C8orf34: variants seen among roughly 807,000 people sequenced by gnomAD.
The protein encoded by C8orf34 is uncharacterized protein C8orf34.
A neutral mutation model predicts 68.3 loss-of-function variants in C8orf34; 65 were observed. That is an observed-to-expected ratio of 0.95 (90% CI 0.78 to 1.17). The LOEUF is 1.17. Among genes scored for constraint, C8orf34 ranks in the 50% most tolerant of loss-of-function variants. The pLI is 0.00. For missense variants in C8orf34, 664 were observed against 655.4 expected (o/e 1.01, Z -0.14); for synonymous variants, 244 against 241.2 (o/e 1.01, Z -0.11).
At chr8:68,486,371 A>G (rs1411591907) in intron 4 of C8orf34, among the ~76,000 whole-genome samples, 3 of 152,186 alleles carry the variant, frequency 2.0e-5, no homozygotes, top group Non-Finnish European at 4.4e-5. Context: ...CTACCTTCAT[A>G]ATACAGCAAG....
intron 8 of C8orf34, among the ~76,000 whole-genome samples, chr8:68,686,144 C>T (rs1261915698): frequency 6.6e-6 from 1 of 151,696 alleles, no homozygotes; most frequent in African/African-American, 2.4e-5. Flanking sequence ...AAAAAGATTA[C>T]CACCACCACC....
intron 7 of C8orf34, among the ~76,000 whole-genome samples, chr8:68,567,429 C>T (rs145023109): frequency 2.4e-3 from 370 of 152,004 alleles, no homozygotes; most frequent in African/African-American, 7.9e-3. Context: ...ATGGTAGCCT[C>T]GAATGATGTT....
At chr8:68,786,869 C>T (rs1282697898) in intron 11 of C8orf34, among the ~76,000 whole-genome samples, 2 of 152,140 alleles carry the variant, frequency 1.3e-5, no homozygotes, top group African/African-American at 2.4e-5. Flanking sequence ...TCCTGGAAAA[C>T]TTCCCAGATG....
intron 5 of C8orf34, among the ~76,000 whole-genome samples, chr8:68,510,658 C>T (rs572227178): frequency 3.9e-5 from 6 of 152,124 alleles, no homozygotes; most frequent in South Asian, 2.1e-4. Flanking sequence ...ATAATAGGAC[C>T]GAGTTGTTTG....
chr8:68,809,227 G>A (rs1824575246), intron 12 of C8orf34, among the ~76,000 whole-genome samples: 1 of 152,070 alleles, frequency 6.6e-6, no homozygotes, highest in South Asian at 2.1e-4. Flanking sequence ...AGGGTTCTCT[G>A]CTAAATACTT....
intron 7 of C8orf34, among the ~76,000 whole-genome samples, chr8:68,622,820 A>G (rs567529604): frequency 2.0e-5 from 3 of 152,358 alleles, no homozygotes; most frequent in East Asian, 3.9e-4. Context: ...AAGAGCAAAG[A>G]TGTTTAAAGA....
intron 3 of C8orf34, among the ~76,000 whole-genome samples, chr8:68,449,732 A>G (rs1811268171): frequency 6.6e-6 from 1 of 152,158 alleles, no homozygotes. Context: ...TGAGCTTTCA[A>G]TGAGTCATAA....
At chr8:68,422,445 T>C (rs955427215) in intron 1 of C8orf34, among the ~76,000 whole-genome samples, 3 of 152,184 alleles carry the variant, frequency 2.0e-5, no homozygotes, top group Non-Finnish European at 2.9e-5. Context: ...AATAATCTCC[T>C]TTGACTCCAT....
chr8:68,761,011 T>C (rs1215281026), intron 10 of C8orf34, among the ~76,000 whole-genome samples: 2 of 152,210 alleles, frequency 1.3e-5, no homozygotes, highest in Non-Finnish European at 2.9e-5. Flanking sequence ...TTGGCAGGAA[T>C]ATTGAGAGTA....
intron 7 of C8orf34, among the ~76,000 whole-genome samples, chr8:68,611,143 C>T (rs1021227016): frequency 4.6e-5 from 7 of 152,176 alleles, no homozygotes; most frequent in East Asian, 1.9e-4. Flanking sequence ...GGATTACAGG[C>T]GTGAGCCACT....
At chr8:68,533,271 A>C (rs1815327063) in intron 7 of C8orf34, 122 bp downstream of exon 7, 5 of 1,414,378 alleles carry the variant, frequency 3.5e-6, no homozygotes, top group Non-Finnish European at 3.7e-6. Context: ...ACCATTTAGT[A>C]CATATTTTAT....
intron 8 of C8orf34, among the ~76,000 whole-genome samples, chr8:68,676,269 G>A (rs1820187101): frequency 6.6e-6 from 1 of 152,064 alleles, no homozygotes; most frequent in African/African-American, 2.4e-5. Flanking sequence ...GGGAGGTTGA[G>A]TCTGCACTAA....
At chr8:68,367,907 G>GAA (rs1807360133) in intron 1 of C8orf34, among the ~76,000 whole-genome samples, 9 of 15,020 alleles carry the variant, frequency 6.0e-4, no homozygotes, top group Non-Finnish European at 1.0e-3. Flanking sequence ...AATAAAAAAA[G>GAA]AAAAGAAAAA....
chr8:68,415,430 A>C (rs1237602186), intron 1 of C8orf34, among the ~76,000 whole-genome samples: 1 of 152,006 alleles, frequency 6.6e-6, no homozygotes, highest in Non-Finnish European at 1.5e-5. Context: ...CAGTGAGCTG[A>C]GATTGTGCCA....
chr8:68,808,546 C>A (rs575358407), intron 12 of C8orf34, among the ~76,000 whole-genome samples: 16 of 149,402 alleles, frequency 1.1e-4, no homozygotes, highest in African/African-American at 3.4e-4. Flanking sequence ...AACCGTAGAT[C>A]AAAAAATAAT....
intron 6 of C8orf34, among the ~76,000 whole-genome samples, chr8:68,532,759 G>A (rs1563512711): frequency 6.6e-6 from 1 of 152,102 alleles, no homozygotes; most frequent in Non-Finnish European, 1.5e-5. Context: ...GAGTAAATTA[G>A]CACCTTCCCT....
chr8:68,617,668 G>A (rs1333704720), intron 7 of C8orf34, among the ~76,000 whole-genome samples: 2 of 152,140 alleles, frequency 1.3e-5, no homozygotes, highest in Non-Finnish European at 2.9e-5. Context: ...TTAGTCTGAT[G>A]GGCTTCCCTT....
At chr8:68,386,719 A>G (rs1808277659) in intron 1 of C8orf34, among the ~76,000 whole-genome samples, 2 of 152,100 alleles carry the variant, frequency 1.3e-5, no homozygotes, top group Non-Finnish European at 2.9e-5. Flanking sequence ...GCAGACCTTT[A>G]GACGCCCACG....
intron 8 of C8orf34, among the ~76,000 whole-genome samples, chr8:68,694,128 C>T (rs1406566320): frequency 6.6e-6 from 1 of 151,982 alleles, no homozygotes; most frequent in Non-Finnish European, 1.5e-5. Flanking sequence ...TCTAAGGGCT[C>T]TACTTTTAAA....
Sources: gnomAD v4.1 joint callset for allele counts (sites outside exome capture counted in the v4.1 genomes callset) on GRCh38, gnomAD v4.1.1 for gene constraint, MANE v1.5 for transcripts, NCBI Gene and HGNC (gene_info 2026-07-23, HGNC 2026-07-21) for gene names.